Variants in THSD4 observed in about 807,000 individuals in gnomAD.
THSD4 encodes thrombospondin type-1 domain-containing protein 4.
In THSD4, 69 loss-of-function variants were observed where a neutral mutation model predicts 119.0. The observed-to-expected ratio is 0.58, with a 90% CI of 0.48 to 0.71. THSD4 has a LOEUF of 0.71. THSD4 is among the 30% of genes least tolerant of loss of function. The pLI, the probability that THSD4 is intolerant of heterozygous loss-of-function variation, is 0.00. For synonymous variants in THSD4, 524 were observed against 540.4 expected (o/e 0.97, Z 0.42); for missense variants, 1,393 against 1,391.1 (o/e 1.00, Z -0.02).
At chr15:71,219,637 G>A (rs2043959396) in intron 4 of THSD4, among the ~76,000 whole-genome samples, 1 of 152,216 alleles carries the variant, frequency 6.6e-6, no homozygotes, top group Non-Finnish European at 1.5e-5. Flanking sequence ...GCAGTCTGAT[G>A]AGATAGTAGT....
At chr15:71,678,973 T>A (rs1357310212) in intron 8 of THSD4, among the ~76,000 whole-genome samples, 3 of 152,226 alleles carry the variant, frequency 2.0e-5, no homozygotes, top group Admixed American at 1.3e-4. Context: ...TATTATCTAG[T>A]GTTTAGTGTG....
At chr15:71,613,885 C>T (rs2050274909) in intron 7 of THSD4, among the ~76,000 whole-genome samples, 1 of 152,140 alleles carries the variant, frequency 6.6e-6, no homozygotes, top group African/African-American at 2.4e-5. Flanking sequence ...ATATCTGTAA[C>T]TGATATCTGT....
chr15:71,758,792 T>C (rs1010584919), intron 15 of THSD4, among the ~76,000 whole-genome samples: 5 of 152,198 alleles, frequency 3.3e-5, no homozygotes, highest in African/African-American at 4.8e-5. Flanking sequence ...TGGCTCCATA[T>C]AGAATTTTAT....
At chr15:71,461,003 A>G (rs1467146098) in intron 7 of THSD4, among the ~76,000 whole-genome samples, 3 of 152,174 alleles carry the variant, frequency 2.0e-5, no homozygotes, top group African/African-American at 7.2e-5. Flanking sequence ...TAGCAATAAC[A>G]TTTATCATAT....
chr15:71,543,348 G>A (rs983135836), intron 7 of THSD4, among the ~76,000 whole-genome samples: 1 of 152,140 alleles, frequency 6.6e-6, no homozygotes, highest in African/African-American at 2.4e-5. Context: ...GGCCTGGAAG[G>A]AGAAGAGAAC....
At chr15:71,410,932 C>T (rs1029868408) in intron 6 of THSD4, among the ~76,000 whole-genome samples, 5 of 152,270 alleles carry the variant, frequency 3.3e-5, no homozygotes, top group East Asian at 3.9e-4. Context: ...CCTGTAATCC[C>T]AGCTACTTGG....
chr15:71,220,205 G>A (rs2043964661), intron 4 of THSD4, among the ~76,000 whole-genome samples: 1 of 152,190 alleles, frequency 6.6e-6, no homozygotes, highest in Admixed American at 6.5e-5. Flanking sequence ...GATACGACCA[G>A]GGTTCAGGAA....
At chr15:71,450,224 G>T (rs2047243122) in intron 7 of THSD4, among the ~76,000 whole-genome samples, 1 of 152,216 alleles carries the variant, frequency 6.6e-6, no homozygotes, top group African/African-American at 2.4e-5. Context: ...GTGTCCATAT[G>T]CCTCATTTGA....
intron 7 of THSD4, among the ~76,000 whole-genome samples, chr15:71,645,957 C>G (rs965063057): frequency 4.6e-5 from 7 of 152,218 alleles, no homozygotes; most frequent in Admixed American, 2.0e-4. Flanking sequence ...ACACGTGCAC[C>G]TTTCAGTGGG....
At chr15:71,585,684 T>G (rs1329856739) in intron 7 of THSD4, among the ~76,000 whole-genome samples, 2 of 152,194 alleles carry the variant, frequency 1.3e-5, no homozygotes, top group South Asian at 4.1e-4. Context: ...TCTTTCTCTT[T>G]CTCTGCTCCT....
At chr15:71,372,292 C>A (rs960354780) in intron 6 of THSD4, among the ~76,000 whole-genome samples, 3 of 152,246 alleles carry the variant, frequency 2.0e-5, no homozygotes, top group Non-Finnish European at 2.9e-5. Flanking sequence ...CAAAGTCATT[C>A]TCCATCCAGC....
chr15:71,494,075 A>T (rs2047970374), intron 7 of THSD4, among the ~76,000 whole-genome samples: 1 of 152,118 alleles, frequency 6.6e-6, no homozygotes, highest in South Asian at 2.1e-4. Context: ...CTTTAATTTG[A>T]TTGAAGATTG....
At chr15:71,590,414 C>T (rs1258002042) in intron 7 of THSD4, among the ~76,000 whole-genome samples, 1 of 137,218 alleles carries the variant, frequency 7.3e-6, no homozygotes, top group African/African-American at 2.5e-5. Context: ...TGCAGGAACA[C>T]GGATGGAGCT....
At chr15:71,217,643 G>T (rs187173614) in intron 4 of THSD4, among the ~76,000 whole-genome samples, 1 of 151,864 alleles carries the variant, frequency 6.6e-6, no homozygotes, top group Non-Finnish European at 1.5e-5. Context: ...AAAAGATCAG[G>T]TTTGTTGGCC....
intron 7 of THSD4, among the ~76,000 whole-genome samples, chr15:71,532,283 A>AGAGAGAGAGTGTGT (rs1379506089): frequency 7.9e-5 from 8 of 101,646 alleles, no homozygotes; most frequent in African/African-American, 1.7e-4. Flanking sequence ...AGAGAGAGAG[A>AGAGAGAGAGTGTGT]GTGTGTGTGT....
At chr15:71,669,741 G>T (rs1342351608) in intron 8 of THSD4, among the ~76,000 whole-genome samples, 1 of 152,146 alleles carries the variant, frequency 6.6e-6, no homozygotes, top group African/African-American at 2.4e-5. Flanking sequence ...TTTTGCAACA[G>T]TCCTTTTCTC....
intron 6 of THSD4, among the ~76,000 whole-genome samples, chr15:71,359,913 T>C (rs2045869682): frequency 6.6e-6 from 1 of 152,184 alleles, no homozygotes; most frequent in Admixed American, 6.5e-5. Context: ...TCCCACCTTG[T>C]TATCTTGTGT....
Position 71,738,080 on chromosome 15 carries a change from C to T in THSD4, c.1906+73C>T, listed in dbSNP as rs111275368. ...GGAGTGTGTGGGTGGCCCAAGGCAG[C>T]GGTCCCCGGCTTTTTTGGCACCAGG... On this transcript the variant is annotated intron_variant, in intron 11 of 17. Transcript: ENST00000261862. The T allele has an allele frequency of 3.9e-5, 61 of 1,555,484 alleles. 1 individual carries two copies. The highest frequency in any genetic ancestry group is 3.8e-4 in the African/African-American group (28 of 73,410).
intron 8 of THSD4, among the ~76,000 whole-genome samples, chr15:71,680,624 A>G (rs1160503073): frequency 6.6e-6 from 1 of 152,232 alleles, no homozygotes; most frequent in Non-Finnish European, 1.5e-5. Flanking sequence ...AATTTGAATT[A>G]TCAGTTTCAC....
Sources: allele counts gnomAD v4.1 joint callset (sites outside exome capture counted in the v4.1 genomes callset), GRCh38; gene constraint gnomAD v4.1.1; transcripts MANE v1.5; gene names NCBI Gene and HGNC (gene_info 2026-07-23, HGNC 2026-07-21).